C11orf65: variants seen among roughly 807,000 people sequenced by gnomAD.
C11orf65 encodes protein MFI.
A neutral mutation model predicts 35.3 loss-of-function variants in C11orf65; 38 were observed. That is an observed-to-expected ratio of 1.08 (90% confidence interval 0.83 to 1.41). The LOEUF (loss-of-function observed/expected upper bound fraction) is 1.41. Among genes scored for constraint, C11orf65 ranks in the 40% most tolerant of loss-of-function variants. The pLI, the probability that C11orf65 is intolerant of heterozygous loss-of-function variation, is 0.00. For synonymous variants in C11orf65, 105 were observed against 114.4 expected (o/e 0.92, Z 0.53); for missense variants, 370 against 367.1 (o/e 1.01, Z -0.06).
chr11:108,421,761 C>T (rs1019517892), intron 3 of C11orf65, among the ~76,000 whole-genome samples: 2 of 152,182 alleles, frequency 1.3e-5, no homozygotes, highest in Non-Finnish European at 2.9e-5. Flanking sequence ...GAATAGGGGC[C>T]TTTGTTTCCA....
At chr11:108,467,257 G>A (rs888138241) in intron 1 of C11orf65, among the ~76,000 whole-genome samples, 1 of 152,152 alleles carries the variant, frequency 6.6e-6, no homozygotes, top group Non-Finnish European at 1.5e-5. Flanking sequence ...CTCTGAGGAA[G>A]GGGTTACTCC....
intron 2 of C11orf65, among the ~76,000 whole-genome samples, chr11:108,377,329 C>T (rs1167681151): frequency 1.8e-4 from 27 of 152,236 alleles, no homozygotes; most frequent in African/African-American, 3.1e-4. Context: ...GTTCAATGTA[C>T]GCAAATCAAT....
intron 2 of C11orf65, among the ~76,000 whole-genome samples, chr11:108,370,976 G>C (rs1011601824): frequency 6.6e-6 from 1 of 152,014 alleles, no homozygotes; most frequent in Non-Finnish European, 1.5e-5. Flanking sequence ...ATAAAATCAG[G>C]AAAATAGGAA....
intron 2 of C11orf65, among the ~76,000 whole-genome samples, chr11:108,457,939 T>C (rs1290548892): frequency 2.0e-5 from 3 of 152,066 alleles, no homozygotes; most frequent in East Asian, 3.9e-4. Context: ...CAAGAGCAAA[T>C]GTATTCTCTT....
Position 108,393,207 on chromosome 11 carries a change from C to T in C11orf65, c.731+1G>A. On this transcript the variant is annotated splice_donor_variant, in intron 7 of 8. Coordinates refer to ENST00000393084, the MANE Select transcript of C11orf65 (RefSeq NM_152587.5). LOFTEE classifies it high-confidence loss of function. ...CCCCAAGAATAGCAACATGTACTTA[C>T]TCATCAAAGTTCAGTGTATTTGTCC... 14 of 1,613,146 alleles carry T rather than the reference C, an allele frequency of 8.7e-6. No individual in the cohort carries two copies. The highest frequency in any genetic ancestry group is 1.1e-5 in the Non-Finnish European group (13 of 1,179,500).
chr11:108,348,377 T>C (rs2088737461), intron 2 of C11orf65, among the ~76,000 whole-genome samples: 1 of 151,452 alleles, frequency 6.6e-6, no homozygotes, highest in South Asian at 2.1e-4. Flanking sequence ...GTTTAATATA[T>C]AAGAAAGAAA....
chr11:108,308,715 A>C, exon 7 of C11orf65: 1 of 324,458 alleles, frequency 3.1e-6, no homozygotes, highest in African/African-American at 2.1e-5. Context: ...GAGGTGAGTG[A>C]AAAATGAAAT....
At chr11:108,311,110 G>GCA (rs1179702719) in intron 6 of C11orf65, among the ~76,000 whole-genome samples, 1 of 152,026 alleles carries the variant, frequency 6.6e-6, no homozygotes, top group East Asian at 1.9e-4. Flanking sequence ...GGGACTATAG[G>GCA]CACACACCAC....
chr11:108,375,843 C>G (rs1321473821), intron 2 of C11orf65, among the ~76,000 whole-genome samples: 1 of 152,020 alleles, frequency 6.6e-6, no homozygotes, highest in Non-Finnish European at 1.5e-5. Flanking sequence ...ATACTAGTCT[C>G]TGATAAAACA....
Position 108,437,358 on chromosome 11 carries a change from G to C in C11orf65, c.82-5520C>G, listed in dbSNP as rs1409015041. ...TTAATACCATAAGGAAGCAAATAAG[G>C]CTGCAGGAACAAATGAAGGGCTCTG... On this transcript the variant is annotated intron_variant, in intron 2 of 8. Coordinates refer to ENST00000393084, the MANE Select transcript of C11orf65 (RefSeq NM_152587.5). Among the ~76,000 whole-genome samples the C allele has an allele frequency of 3.3e-5, 5 of 151,906 alleles. 1 individual carries two copies. The highest frequency in any genetic ancestry group is 2.0e-4 in the Admixed American group (3 of 15,222).
chr11:108,464,301 T>C (rs2093507023), intron 1 of C11orf65, among the ~76,000 whole-genome samples: 1 of 151,964 alleles, frequency 6.6e-6, no homozygotes, highest in Non-Finnish European at 1.5e-5. Flanking sequence ...TATTTCTGTT[T>C]TTTGTTTGTT....
intron 2 of C11orf65, among the ~76,000 whole-genome samples, chr11:108,457,015 T>G (rs1356183347): frequency 6.6e-6 from 1 of 152,038 alleles, no homozygotes. Flanking sequence ...ATCTTGGCGG[T>G]TTGAAGATGG....
At chr11:108,457,307 T>C in intron 2 of C11orf65, among the ~76,000 whole-genome samples, 1 of 152,104 alleles carries the variant, frequency 6.6e-6, no homozygotes, top group East Asian at 1.9e-4. Flanking sequence ...ACGCACATTA[T>C]TTAGAAGCAT....
chr11:108,372,486 C>T (rs189892542), intron 2 of C11orf65, among the ~76,000 whole-genome samples: 1 of 152,342 alleles, frequency 6.6e-6, no homozygotes, highest in Admixed American at 6.5e-5. Context: ...AGCCACTGTG[C>T]CTGGCCAATA....
At chr11:108,419,618 C>T (rs193246839) in intron 3 of C11orf65, among the ~76,000 whole-genome samples, 1 of 152,324 alleles carries the variant, frequency 6.6e-6, no homozygotes, top group East Asian at 1.9e-4. Flanking sequence ...GGAAGGATCA[C>T]TTGAGCCCAG....
chr11:108,365,637 T>C (rs2137940315), intron 2 of C11orf65: 3 of 1,133,358 alleles, frequency 2.6e-6, no homozygotes, highest in Non-Finnish European at 3.7e-6. Context: ...TTTTTGAATG[T>C]TGGTTTTAAT....
downstream of C11orf65, chr11:108,382,683 C>T: frequency 1.4e-6 from 1 of 704,926 alleles, no homozygotes. Flanking sequence ...GATAAAGGGA[C>T]CGAGAGCTCT....
intron 8 of C11orf65, among the ~76,000 whole-genome samples, chr11:108,384,969 G>A (rs1247437969): frequency 6.6e-6 from 1 of 152,136 alleles, no homozygotes; most frequent in Non-Finnish European, 1.5e-5. Flanking sequence ...TAGCATTTCA[G>A]TACTGCTAAC....
At chr11:108,312,917 T>A (rs1313169340) in intron 6 of C11orf65, among the ~76,000 whole-genome samples, 1 of 152,218 alleles carries the variant, frequency 6.6e-6, no homozygotes, top group African/African-American at 2.4e-5. Flanking sequence ...TGTTACTGTC[T>A]GGGATGCTTG....
Sources: allele counts gnomAD v4.1 joint callset (sites outside exome capture counted in the v4.1 genomes callset), GRCh38; gene constraint gnomAD v4.1.1; transcripts MANE v1.5; gene names NCBI Gene and HGNC (gene_info 2026-07-23, HGNC 2026-07-21).